The following ZFPM2 variants were observed in gnomAD, a reference collection of about 807,000 sequenced individuals.
ZFPM2 encodes zinc finger protein ZFPM2.
Under a neutral mutation model 98.6 loss-of-function variants are expected in ZFPM2, and 20 were observed. That is an observed-to-expected ratio of 0.20 (90% CI 0.14 to 0.29). The LOEUF (loss-of-function observed/expected upper bound fraction) is 0.29. Among genes scored for constraint, ZFPM2 ranks in the 10% least tolerant of loss-of-function variants. The probability of loss-of-function intolerance (pLI) is 1.00; values close to 1 mark genes in which losing one functional copy is unlikely to be tolerated. For synonymous variants in ZFPM2, 518 were observed against 502.7 expected (o/e 1.03, Z -0.41); for missense variants, 1,310 against 1,388.6 (o/e 0.94, Z 0.90).
At chr8:105,422,664 G>GT (rs1198219143) in intron 2 of ZFPM2, among the ~76,000 whole-genome samples, 1 of 151,958 alleles carries the variant, frequency 6.6e-6, no homozygotes, top group Non-Finnish European at 1.5e-5. Flanking sequence ...TAAATTGAAT[G>GT]TTTTTTTCTT....
At chr8:105,570,330 T>TG (rs398009221) in intron 4 of ZFPM2, among the ~76,000 whole-genome samples, 1 of 151,894 alleles carries the variant, frequency 6.6e-6, no homozygotes, top group African/African-American at 2.4e-5. Context: ...ATTTTTTTTT[T>TG]GATGGAGGGG....
intron 3 of ZFPM2, among the ~76,000 whole-genome samples, chr8:105,520,121 A>G (rs1292293458): frequency 2.0e-5 from 3 of 152,212 alleles, no homozygotes; most frequent in Non-Finnish European, 4.4e-5. Context: ...TATTCAATTG[A>G]TGAAAGGATC....
intron 5 of ZFPM2, among the ~76,000 whole-genome samples, chr8:105,689,569 T>C (rs1383951139): frequency 6.6e-6 from 1 of 152,158 alleles, no homozygotes; most frequent in Non-Finnish European, 1.5e-5. Context: ...TGGCAAACAA[T>C]CACACTCTGT....
intron 3 of ZFPM2, among the ~76,000 whole-genome samples, chr8:105,488,383 G>A (rs561998658): frequency 2.6e-5 from 4 of 152,180 alleles, no homozygotes; most frequent in African/African-American, 9.6e-5. Context: ...AGATGAGTGC[G>A]GGCAAATAGT....
chr8:105,738,807 A>C (rs1198495013), intron 5 of ZFPM2, among the ~76,000 whole-genome samples: 1 of 152,038 alleles, frequency 6.6e-6, no homozygotes, highest in African/African-American at 2.4e-5. Context: ...AAAGCAGCTA[A>C]ATTTAAATGT....
At chr8:105,463,752 T>A (rs895321040) in intron 3 of ZFPM2, among the ~76,000 whole-genome samples, 15 of 152,104 alleles carry the variant, frequency 9.9e-5, no homozygotes, top group Non-Finnish European at 1.8e-4. Flanking sequence ...CTGTTACATT[T>A]TTTTTTCCCA....
chr8:105,568,328 C>A (rs1419607990), intron 4 of ZFPM2, among the ~76,000 whole-genome samples: 3 of 151,490 alleles, frequency 2.0e-5, no homozygotes, highest in Non-Finnish European at 4.4e-5. Context: ...CACCTTTAAT[C>A]CTAGTCCTCT....
chr8:105,601,710 A>C (rs952476058), intron 4 of ZFPM2, among the ~76,000 whole-genome samples: 2 of 152,196 alleles, frequency 1.3e-5, no homozygotes, highest in East Asian at 3.9e-4. Context: ...GAGGATTTGC[A>C]GAAAGTCACA....
At chr8:105,575,755 A>C (rs540134315) in intron 4 of ZFPM2, among the ~76,000 whole-genome samples, 1 of 152,180 alleles carries the variant, frequency 6.6e-6, no homozygotes, top group Admixed American at 6.5e-5. Context: ...ATGAGTGTTC[A>C]ATTCACTGTC....
At chr8:105,642,514 T>G (rs1816966371) in intron 5 of ZFPM2, among the ~76,000 whole-genome samples, 1 of 152,212 alleles carries the variant, frequency 6.6e-6, no homozygotes, top group Non-Finnish European at 1.5e-5. Context: ...AAGAAATCTT[T>G]GCCTTATCCA....
At chr8:105,326,563 C>CT (rs1812118634) in intron 1 of ZFPM2, among the ~76,000 whole-genome samples, 1 of 151,590 alleles carries the variant, frequency 6.6e-6, no homozygotes, top group South Asian at 2.1e-4. Context: ...GCTAAAAACT[C>CT]TTTTTATAAC....
chr8:105,463,329 T>G (rs1213422037), intron 3 of ZFPM2, among the ~76,000 whole-genome samples: 1 of 151,878 alleles, frequency 6.6e-6, no homozygotes, highest in Non-Finnish European at 1.5e-5. Context: ...ATATAGAGTT[T>G]TTATAAGCTA....
chr8:105,376,248 T>C (rs1277935236), intron 1 of ZFPM2, among the ~76,000 whole-genome samples: 1 of 152,186 alleles, frequency 6.6e-6, no homozygotes, highest in African/African-American at 2.4e-5. Flanking sequence ...TCACACTCTC[T>C]TAGTTTTCTT....
intron 3 of ZFPM2, among the ~76,000 whole-genome samples, chr8:105,534,219 T>C (rs111066336): frequency 0.57 from 17,652 of 30,754 alleles, 5,212 homozygotes; most frequent in African/African-American, 0.81. Context: ...TTCCTTCTTT[T>C]CTTCCTCCCT....
chr8:105,504,160 A>G lies in ZFPM2; in HGVS notation c.302-57203A>G, dbSNP rs538426821. ...CAACTCCCTGAGAATTCCTGCCAAG[A>G]GCACTGCCCATTTCATCCCTCTTAA... On this transcript the variant is annotated intron_variant, in intron 3 of 7. Transcript: ENST00000407775. 2.6e-5 allele frequency among the ~76,000 whole-genome samples: 4 copies of G among 152,324 alleles called. No homozygotes were observed. In the South Asian group the frequency reaches 8.3e-4, roughly 32 times the overall value.
intron 1 of ZFPM2, among the ~76,000 whole-genome samples, chr8:105,405,801 G>T (rs1277954680): frequency 6.6e-6 from 1 of 152,040 alleles, no homozygotes; most frequent in African/African-American, 2.4e-5. Context: ...ACCCAGTAAT[G>T]GGATGGCTGG....
At chr8:105,389,342 C>T (rs972798944) in intron 1 of ZFPM2, among the ~76,000 whole-genome samples, 1 of 151,986 alleles carries the variant, frequency 6.6e-6, no homozygotes, top group Non-Finnish European at 1.5e-5. Flanking sequence ...ACCAATGACA[C>T]AACTTCATGG....
chr8:105,783,318 A>G (rs1813313951), intron 5 of ZFPM2, among the ~76,000 whole-genome samples: 2 of 149,838 alleles, frequency 1.3e-5, no homozygotes, highest in South Asian at 2.1e-4. Context: ...TTTCATGCCA[A>G]TGTTCTAGGT....
At chr8:105,406,995 G>A (rs536600925) in intron 1 of ZFPM2, among the ~76,000 whole-genome samples, 4 of 151,836 alleles carry the variant, frequency 2.6e-5, no homozygotes, top group Non-Finnish European at 5.9e-5. Context: ...AAGGTGGTGT[G>A]GTATGATGTG....
Sources: gnomAD v4.1 joint callset for allele counts (sites outside exome capture counted in the v4.1 genomes callset) on GRCh38, gnomAD v4.1.1 for gene constraint, MANE v1.5 for transcripts, NCBI Gene and HGNC (gene_info 2026-07-23, HGNC 2026-07-21) for gene names.